FGD6: variants seen among roughly 807,000 people sequenced by gnomAD.
FGD6 encodes FYVE, RhoGEF and PH domain-containing protein 6.
In FGD6, 90 loss-of-function variants were observed where a neutral mutation model predicts 149.4. The ratio of observed to expected loss-of-function variants is 0.60; its 90% CI spans 0.51 to 0.72. The LOEUF (loss-of-function observed/expected upper bound fraction) is 0.72, where lower values mean the gene tolerates loss of function less well. Ranked by LOEUF, FGD6 falls within the 30% of genes least tolerant of loss-of-function variation. FGD6 has a pLI of 0.00. For synonymous variants in FGD6, 527 were observed against 584.0 expected (o/e 0.90, Z 1.41); for missense variants, 1,437 against 1,684.8 (o/e 0.85, Z 2.57).
At chr12:95,150,329 A>G (rs1336308153) in intron 5 of FGD6, among the ~76,000 whole-genome samples, 2 of 151,990 alleles carry the variant, frequency 1.3e-5, no homozygotes, top group African/African-American at 4.8e-5. Context: ...ACCCGGCCCA[A>G]ATATTTTTTT....
chr12:95,209,835 T>C lies in FGD6; in HGVS notation c.1449A>G (p.Glu483=). 2.5e-6 allele frequency: 4 copies of C among 1,608,280 alleles called. No homozygotes were observed. The South Asian group carries it at 4.5e-5, about 18-fold the overall frequency. ...LGVSAPQMQK[E]SVIKEENSLR... is the part of the protein sequence containing the mutation. ...GAGAATTTTCCTCTTTTATAACAGATTCCTTTTGCATTTGAGGGGCAGAAA... is the reference window on the plus strand; with the variant it reads ...GAGAATTTTCCTCTTTTATAACAGACTCCTTTTGCATTTGAGGGGCAGAAA... The change falls in exon 2 of 21, where the codon GAA becomes GAG. Residue 483 remains glutamate, a synonymous_variant. Transcript: ENST00000343958.
In FGD6 at chr12:95,137,560, T is replaced by G; in HGVS notation, c.2956A>C (p.Lys986Gln). 6.2e-7 allele frequency: 1 copy of G among 1,607,032 alleles called. No homozygotes were observed. The highest frequency in any genetic ancestry group is 8.5e-7 in the Non-Finnish European group (1 of 1,177,408). The change falls in exon 7 of 21, where the codon AAA becomes CAA. Residue 986 changes from lysine (K) to glutamine (Q), a missense_variant. Lys to Gln is a moderately conservative substitution (Grantham distance 53). Coordinates refer to ENST00000343958, the MANE Select transcript of FGD6 (RefSeq NM_018351.4). ...NIALLDEQCK[K>Q]NPGFAAVVRE... ...ACAACAGCAGCAAAACCTGGATTTT[T>G]CTTGCACTGTTCATCCAGCAAGGCT...
intron 14 of FGD6, among the ~76,000 whole-genome samples, chr12:95,097,032 A>G (rs1195325942): frequency 6.6e-6 from 1 of 152,204 alleles, no homozygotes; most frequent in Non-Finnish European, 1.5e-5. Flanking sequence ...TCAACTGTGT[A>G]AATCATGTCA....
intron 2 of FGD6, among the ~76,000 whole-genome samples, chr12:95,173,733 G>A (rs377124803): frequency 6.6e-5 from 10 of 152,044 alleles, no homozygotes; most frequent in East Asian, 1.9e-4. Flanking sequence ...GTATAGGTGG[G>A]GTCAGTAAAA....
At chr12:95,105,999 G>C (rs1246900487) in intron 13 of FGD6, among the ~76,000 whole-genome samples, 1 of 151,996 alleles carries the variant, frequency 6.6e-6, no homozygotes, top group Non-Finnish European at 1.5e-5. Context: ...AACAGAGTGA[G>C]ACTCTGTCAC....
At chr12:95,130,034 T>C (rs764967676) in intron 8 of FGD6, among the ~76,000 whole-genome samples, 6 of 152,318 alleles carry the variant, frequency 3.9e-5, no homozygotes, top group Non-Finnish European at 7.4e-5. Flanking sequence ...TACAACTATA[T>C]GCATTCTTTT....
intron 3 of FGD6, among the ~76,000 whole-genome samples, chr12:95,170,452 G>A (rs1237563074): frequency 6.6e-6 from 1 of 152,034 alleles, no homozygotes; most frequent in African/African-American, 2.4e-5. Flanking sequence ...GACCAGCCTG[G>A]CCAACATAGT....
intron 3 of FGD6, among the ~76,000 whole-genome samples, chr12:95,163,087 A>G (rs576135797): frequency 1.3e-5 from 2 of 152,326 alleles, no homozygotes; most frequent in African/African-American, 4.8e-5. Flanking sequence ...TCACAGATGG[A>G]TAACAAAGAT....
In FGD6 at chr12:95,077,028, A is replaced by G. The variant is rs1227383192; in HGVS notation, c.*4492T>C. The G allele has an allele frequency of 6.6e-6, 1 of 152,194 alleles. No homozygotes were observed. The highest frequency in any genetic ancestry group is 1.5e-5 in the Non-Finnish European group (1 of 68,034). 9.4% of individuals were successfully genotyped at this position (152,194 alleles called of 1,614,324 possible). A position where few individuals can be genotyped will look rare whatever the true frequency, so the allele number is the denominator to read the frequency against. On this transcript the variant is annotated 3_prime_UTR_variant, in exon 21 of 21. Transcript: ENST00000343958. Reference sequence around the variant, plus strand: ...GGAATTTGATATTTAGGCTTTAAAAAATTTCCTACTACCTTTATCTTTTAA... The same window carrying G: ...GGAATTTGATATTTAGGCTTTAAAAGATTTCCTACTACCTTTATCTTTTAA...
chr12:95,097,683 A>T (rs10859829), intron 14 of FGD6, among the ~76,000 whole-genome samples: 39,039 of 148,360 alleles, frequency 0.26, 5,418 homozygotes, highest in East Asian at 0.32. Flanking sequence ...CATTTACTAC[A>T]TGGACTAACT....
intron 3 of FGD6, among the ~76,000 whole-genome samples, chr12:95,156,657 C>G (rs1880481337): frequency 1.3e-5 from 2 of 152,146 alleles, no homozygotes; most frequent in Admixed American, 6.6e-5. Context: ...GACCCACACC[C>G]TATTTGTACA....
chr12:95,168,873 G>A (rs889727261), intron 3 of FGD6, among the ~76,000 whole-genome samples: 2 of 152,172 alleles, frequency 1.3e-5, no homozygotes, highest in African/African-American at 4.8e-5. Context: ...GAGCTAGTAA[G>A]TGGTGGGAAC....
chr12:95,196,477 A>C (rs1881739556), intron 2 of FGD6, among the ~76,000 whole-genome samples: 1 of 151,476 alleles, frequency 6.6e-6, no homozygotes, highest in South Asian at 2.1e-4. Flanking sequence ...TGATCCACCC[A>C]CCTTAGCCTC....
intron 14 of FGD6, among the ~76,000 whole-genome samples, chr12:95,096,579 G>A (rs759762895): frequency 1.3e-5 from 2 of 152,152 alleles, no homozygotes; most frequent in Non-Finnish European, 2.9e-5. Flanking sequence ...AGCCAACTCT[G>A]CTAAATGCTT....
intron 5 of FGD6, among the ~76,000 whole-genome samples, chr12:95,145,798 C>T (rs372437902): frequency 7.9e-5 from 12 of 152,026 alleles, no homozygotes; most frequent in East Asian, 3.9e-4. Context: ...CTCAGCCTCT[C>T]GAGTAGCTGA....
chr12:95,156,996 G>A (rs1030144096), intron 3 of FGD6, among the ~76,000 whole-genome samples: 4 of 151,978 alleles, frequency 2.6e-5, no homozygotes, highest in African/African-American at 9.7e-5. Flanking sequence ...ATATCTGCCA[G>A]TAATCTCAGC....
chr12:95,176,175 A>G (rs1163668136), intron 2 of FGD6, among the ~76,000 whole-genome samples: 1 of 152,156 alleles, frequency 6.6e-6, no homozygotes, highest in African/African-American at 2.4e-5. Flanking sequence ...AGGCTCAAGC[A>G]ATCCTCCCAC....
chr12:95,125,708 T>G, intron 8 of FGD6: 1 of 535,800 alleles, frequency 1.9e-6, no homozygotes, highest in Non-Finnish European at 3.4e-6. Flanking sequence ...TCAAAATACC[T>G]TTTTCACAAC....
chr12:95,186,305 G>A (rs113838384), intron 2 of FGD6, among the ~76,000 whole-genome samples: 2 of 125,030 alleles, frequency 1.6e-5, no homozygotes, highest in South Asian at 5.1e-4. Flanking sequence ...CTGGAGTGTA[G>A]TGGCACAATC....
Sources: allele counts gnomAD v4.1 joint callset (sites outside exome capture counted in the v4.1 genomes callset), GRCh38; gene constraint gnomAD v4.1.1; transcripts MANE v1.5; gene names NCBI Gene and HGNC (gene_info 2026-07-23, HGNC 2026-07-21).